KIAA1549L: variants seen among roughly 807,000 people sequenced by gnomAD.
KIAA1549L encodes the protein KIAA1549 like.
KIAA1549L carries 88 observed loss-of-function variants against 160.7 expected under a neutral mutation model. That is an observed-to-expected ratio of 0.55 (90% confidence interval 0.46 to 0.65). The LOEUF (loss-of-function observed/expected upper bound fraction) is 0.65. Among genes scored for constraint, KIAA1549L ranks in the 30% least tolerant of loss-of-function variants. The pLI, the probability that KIAA1549L is intolerant of heterozygous loss-of-function variation, is 0.00. For synonymous variants in KIAA1549L, 950 were observed against 976.7 expected (o/e 0.97, Z 0.51); for missense variants, 2,258 against 2,437.5 (o/e 0.93, Z 1.55).
intron 1 of KIAA1549L, among the ~76,000 whole-genome samples, chr11:33,391,012 G>A (rs1850262822): frequency 6.6e-6 from 1 of 152,198 alleles, no homozygotes; most frequent in Non-Finnish European, 1.5e-5. Flanking sequence ...AGGCTTCACA[G>A]GCCAGTCAAC....
At chr11:33,438,887 T>C (rs1851434597) in intron 1 of KIAA1549L, among the ~76,000 whole-genome samples, 1 of 149,570 alleles carries the variant, frequency 6.7e-6, no homozygotes, top group Admixed American at 6.7e-5. Context: ...CCTGGGACTC[T>C]CAAGCTTAGA....
chr11:33,486,505 TA>T (rs1852530231), intron 1 of KIAA1549L, among the ~76,000 whole-genome samples: 2 of 152,232 alleles, frequency 1.3e-5, no homozygotes, highest in Non-Finnish European at 2.9e-5. Context: ...AAAACGAATT[TA>T]ACTACTTAAT....
intron 1 of KIAA1549L, among the ~76,000 whole-genome samples, chr11:33,379,990 G>T (rs192526238): frequency 6.6e-6 from 1 of 152,346 alleles, no homozygotes; most frequent in Admixed American, 6.5e-5. Flanking sequence ...GCTAATGAGG[G>T]AATAGTTAAT....
intron 8 of KIAA1549L, among the ~76,000 whole-genome samples, chr11:33,564,896 G>C (rs1854995652): frequency 6.6e-6 from 1 of 152,216 alleles, no homozygotes; most frequent in Admixed American, 6.5e-5. Context: ...GGCTGAACCA[G>C]GCCTGATCAC....
At chr11:33,530,101 A>G (rs1853703931) in intron 1 of KIAA1549L, among the ~76,000 whole-genome samples, 1 of 151,966 alleles carries the variant, frequency 6.6e-6, no homozygotes, top group Non-Finnish European at 1.5e-5. Flanking sequence ...AAAAATTAAT[A>G]TGAAACCTTG....
Position 33,568,087 on chromosome 11 carries a change from G to A in KIAA1549L, c.4090G>A (p.Val1364Met). ...DYWVITVLQGVDNSLVGLHNQ... is the reference protein window; with the variant it reads ...DYWVITVLQGMDNSLVGLHNQ... ...TTCTGCATCCACAGTGCTGCAGGGTGTGGACAATTCGCTGGTGGGCCTGCA... is the reference window on the plus strand; with the variant it reads ...TTCTGCATCCACAGTGCTGCAGGGTATGGACAATTCGCTGGTGGGCCTGCA... Residue 1364 changes from valine (V) to methionine (M), a missense_variant, in exon 9 of 21, where the codon GTG becomes ATG. Around this residue, in one of 6 missense-constraint regions of KIAA1549L, gnomAD observed 1,359 missense variants for 1,546.6 expected, o/e 0.88. Coordinates refer to ENST00000658780, the MANE Select transcript of KIAA1549L (RefSeq NM_012194.3). 2 of 1,610,882 alleles carry A rather than the reference G, an allele frequency of 1.2e-6. No homozygotes were observed. The highest frequency in any genetic ancestry group is 1.7e-6 in the Non-Finnish European group (2 of 1,178,570).
chr11:33,407,209 C>T lies in KIAA1549L; in HGVS notation c.238+30320C>T, dbSNP rs547733927. Among the ~76,000 whole-genome samples the T allele has an allele frequency of 4.4e-4, 65 of 149,330 alleles. 1 individual carries two copies. The South Asian group carries it at 0.012, about 28-fold the overall frequency. On this transcript the variant is annotated intron_variant, in intron 1 of 20. Transcript: ENST00000658780. ...ACGCCATTCTCCTGCCTCAGCCTCC[C>T]GAGTAGCTGGGACTACAGGCGCCTG...
At chr11:33,595,217 A>G (rs995968688) in intron 12 of KIAA1549L, among the ~76,000 whole-genome samples, 14 of 152,068 alleles carry the variant, frequency 9.2e-5, no homozygotes, top group Non-Finnish European at 2.1e-4. Context: ...AAGGATTTCT[A>G]TATTTGCTTC....
intron 1 of KIAA1549L, among the ~76,000 whole-genome samples, chr11:33,414,238 T>C (rs1037867902): frequency 6.6e-6 from 1 of 152,236 alleles, no homozygotes; most frequent in Non-Finnish European, 1.5e-5. Context: ...TTCAGAATCA[T>C]ACGAAAATTA....
intron 12 of KIAA1549L, among the ~76,000 whole-genome samples, chr11:33,596,741 T>G (rs536324589): frequency 6.6e-6 from 1 of 152,178 alleles, no homozygotes; most frequent in East Asian, 1.9e-4. Context: ...TCTCAAAAAC[T>G]CAATCAGTCA....
Position 33,530,427 on chromosome 11 carries a change from AAAAAAAAAAATATATATATATATATAT to A in KIAA1549L, c.239-11373_239-11347del, listed in dbSNP as rs1377822005. 6.7e-3 allele frequency among the ~76,000 whole-genome samples: 295 copies of A among 44,114 alleles called. 18 individuals are homozygous for A. Among genetic ancestry groups the A allele is most frequent in the Non-Finnish European group, 9.3e-3 (183 of 19,584 alleles). 28.9% of individuals were successfully genotyped at this position (44,114 alleles called of 152,430 possible). A position where few individuals can be genotyped will look rare whatever the true frequency, so the allele number is the denominator to read the frequency against. ...AAGAAGAAGAAGGAAAAAAAAAAAA[AAAAAAAAAAATATATATATATATATAT>A]ATATATATATATATATATATATATA... On this transcript the variant is annotated intron_variant, in intron 1 of 20. Transcript: ENST00000658780.
intron 1 of KIAA1549L, among the ~76,000 whole-genome samples, chr11:33,540,630 C>G (rs1853997416): frequency 6.6e-6 from 1 of 152,130 alleles, no homozygotes; most frequent in African/African-American, 2.4e-5. Flanking sequence ...CCATTGCAAA[C>G]CATGAAGCAG....
intron 1 of KIAA1549L, among the ~76,000 whole-genome samples, chr11:33,537,428 C>G (rs774124218): frequency 6.6e-6 from 1 of 151,786 alleles, no homozygotes; most frequent in Admixed American, 6.6e-5. Context: ...CAGGCATTTG[C>G]AGATGGAAGG....
chr11:33,548,763 T>C (rs1458727265), intron 4 of KIAA1549L, among the ~76,000 whole-genome samples: 1 of 152,220 alleles, frequency 6.6e-6, no homozygotes, highest in Admixed American at 6.5e-5. Context: ...AAACAGTAAA[T>C]GCAGTTGGCA....
intron 1 of KIAA1549L, among the ~76,000 whole-genome samples, chr11:33,433,300 T>C (rs1356012471): frequency 6.6e-6 from 1 of 152,134 alleles, no homozygotes; most frequent in Non-Finnish European, 1.5e-5. Context: ...AACAGACACG[T>C]ATCAAAAGAA....
At chr11:33,424,207 C>G (rs1419861818) in intron 1 of KIAA1549L, among the ~76,000 whole-genome samples, 1 of 152,126 alleles carries the variant, frequency 6.6e-6, no homozygotes, top group Admixed American at 6.6e-5. Context: ...TTGTGATGCT[C>G]AAGGCAGTTT....
chr11:33,421,999 A>T (rs1851021772), intron 1 of KIAA1549L, among the ~76,000 whole-genome samples: 2 of 151,974 alleles, frequency 1.3e-5, no homozygotes, highest in African/African-American at 4.8e-5. Context: ...TACTTTGAGA[A>T]TCACCCTCCT....
At chr11:33,660,611 C>T (rs1852227169) in intron 19 of KIAA1549L, among the ~76,000 whole-genome samples, 1 of 152,200 alleles carries the variant, frequency 6.6e-6, no homozygotes, top group Admixed American at 6.5e-5. Context: ...CGCATCCCAC[C>T]TGCCTCTGTT....
intron 1 of KIAA1549L, among the ~76,000 whole-genome samples, chr11:33,523,867 G>A (rs1853553010): frequency 6.6e-6 from 1 of 151,960 alleles, no homozygotes; most frequent in Non-Finnish European, 1.5e-5. Flanking sequence ...TTTTATGGCG[G>A]TCTTCCTCAT....
Sources: gnomAD v4.1 joint callset for allele counts (sites outside exome capture counted in the v4.1 genomes callset) on GRCh38, gnomAD v4.1.1 for gene constraint, gnomAD v4.1.1 regional missense constraint, MANE v1.5 for transcripts, NCBI Gene and HGNC (gene_info 2026-07-23, HGNC 2026-07-21) for gene names.